ARHGAP6: variants seen among roughly 807,000 people sequenced by gnomAD.
The protein encoded by ARHGAP6 is Rho GTPase activating protein 6.
In ARHGAP6, 16 loss-of-function variants were observed where a neutral mutation model predicts 55.7. The ratio of observed to expected loss-of-function variants is 0.29; its 90% CI spans 0.19 to 0.44. ARHGAP6 has a LOEUF of 0.44. Ranked by LOEUF, ARHGAP6 falls within the 20% of genes least tolerant of loss-of-function variation. The probability of loss-of-function intolerance (pLI) is 1.00; values close to 1 mark genes in which losing one functional copy is unlikely to be tolerated. For synonymous variants in ARHGAP6, 382 were observed against 360.9 expected (o/e 1.06, Z -0.66); for missense variants, 698 against 808.9 (o/e 0.86, Z 1.66).
At chrX:11,342,104 G>A (rs766258759) in intron 1 of ARHGAP6, among the ~76,000 whole-genome samples, 18 of 111,734 alleles carry the variant, frequency 1.6e-4, no homozygotes, top group South Asian at 3.8e-4. Context: ...CACTAAGTTC[G>A]CTCTGTTGCC....
At chrX:11,553,462 C>T (rs2051291012) in intron 1 of ARHGAP6, among the ~76,000 whole-genome samples, 1 of 111,275 alleles carries the variant, frequency 9.0e-6, no homozygotes, top group African/African-American at 3.3e-5. Context: ...AGGCTTTTCT[C>T]GAACTTCTGG....
At chrX:11,525,010 C>T (rs1014590784) in intron 1 of ARHGAP6, among the ~76,000 whole-genome samples, 1 of 111,146 alleles carries the variant, frequency 9.0e-6, no homozygotes, top group African/African-American at 3.3e-5. Context: ...GGAGGCAGAG[C>T]TCAAGCGGTA....
intron 2 of ARHGAP6, among the ~76,000 whole-genome samples, chrX:11,242,499 C>T (rs1034874783): frequency 3.6e-5 from 4 of 111,620 alleles, no homozygotes; most frequent in African/African-American, 9.8e-5. Flanking sequence ...AGCTCTGCTG[C>T]TGACTTTTCA....
chrX:11,311,168 G>A (rs192884063), intron 1 of ARHGAP6, among the ~76,000 whole-genome samples: 110 of 111,909 alleles, frequency 9.8e-4, no homozygotes, highest in Non-Finnish European at 1.5e-3. Flanking sequence ...ATTAGAAGGC[G>A]ATGCCAATGA....
intron 1 of ARHGAP6, among the ~76,000 whole-genome samples, chrX:11,355,714 A>G (rs1386723962): frequency 9.0e-6 from 1 of 111,465 alleles, no homozygotes; most frequent in Admixed American, 9.6e-5. Context: ...GGCCAAACAT[A>G]TGACCGTTAG....
chrX:11,402,741 A>T (rs1334090083), intron 1 of ARHGAP6, among the ~76,000 whole-genome samples: 1 of 112,047 alleles, frequency 8.9e-6, no homozygotes, highest in Non-Finnish European at 1.9e-5. Flanking sequence ...CTATTCTCTC[A>T]GAGCTCTGTT....
chrX:11,206,722 T>C (rs1402711672), intron 2 of ARHGAP6, among the ~76,000 whole-genome samples: 13 of 111,726 alleles, frequency 1.2e-4, no homozygotes, highest in Admixed American at 9.6e-5. Flanking sequence ...GCTGGTTTTA[T>C]TGAGGCTCTG....
At chrX:11,312,648 CT>C (rs1443628650) in intron 1 of ARHGAP6, among the ~76,000 whole-genome samples, 1 of 111,615 alleles carries the variant, frequency 9.0e-6, no homozygotes, top group African/African-American at 3.3e-5. Flanking sequence ...CAATGCCTGC[CT>C]GGTATGCAGC....
intron 1 of ARHGAP6, among the ~76,000 whole-genome samples, chrX:11,425,805 A>T (rs1228224697): frequency 1.8e-5 from 2 of 111,924 alleles, no homozygotes; most frequent in Admixed American, 9.4e-5. Flanking sequence ...AGATTTTTTT[A>T]AAATTAAGGA....
chrX:11,232,908 T>A (rs4503255), intron 2 of ARHGAP6, among the ~76,000 whole-genome samples: 27,634 of 110,589 alleles, frequency 0.25, 2,864 homozygotes, highest in African/African-American at 0.38. Flanking sequence ...TACCCTAGAG[T>A]GTAAAAACTT....
At chrX:11,393,842 A>G (rs2049442124) in intron 1 of ARHGAP6, among the ~76,000 whole-genome samples, 1 of 111,835 alleles carries the variant, frequency 8.9e-6, no homozygotes, top group Non-Finnish European at 1.9e-5. Context: ...TACTGAGAAA[A>G]ATATTTTTTA....
chrX:11,323,594 G>T (rs907359325), intron 1 of ARHGAP6, among the ~76,000 whole-genome samples: 1 of 112,181 alleles, frequency 8.9e-6, no homozygotes, highest in Admixed American at 9.4e-5. Flanking sequence ...GCTGAGTGTG[G>T]TGGCTCACGC....
In ARHGAP6 at chrX:11,639,383, C is replaced by T. The variant is rs953530918; in HGVS notation, c.588+24858G>A. ...CCCCAGCCCCCCACCACCCGACATG[C>T]CCCGGTATGTGATGTTCCCTTCCCT... On this transcript the variant is annotated intron_variant, in intron 1 of 12. Transcript: ENST00000337414. Among the ~76,000 whole-genome samples the T allele has an allele frequency of 2.8e-5, 3 of 108,999 alleles. No individual in the cohort carries two copies. The East Asian group carries it at 8.7e-4, about 32-fold the overall frequency. The allele number at this position is 108,999 out of a possible 115,157, so 94.7% of individuals were successfully genotyped here. A position where few individuals can be genotyped will look rare whatever the true frequency, so the allele number is the denominator to read the frequency against.
intron 8 of ARHGAP6, among the ~76,000 whole-genome samples, chrX:11,173,885 G>T (rs958736952): frequency 9.0e-6 from 1 of 111,475 alleles, no homozygotes; most frequent in Non-Finnish European, 1.9e-5. Flanking sequence ...ATGCAGCAAG[G>T]TGCTGGCAGA....
intron 1 of ARHGAP6, among the ~76,000 whole-genome samples, chrX:11,428,044 G>A (rs1603202580): frequency 1.8e-5 from 2 of 112,758 alleles, no homozygotes; most frequent in East Asian, 2.8e-4. Context: ...GGACCCGTGG[G>A]ACCCCGGCTG....
At chrX:11,246,310 T>C (rs1161793400) in intron 2 of ARHGAP6, among the ~76,000 whole-genome samples, 2 of 111,208 alleles carry the variant, frequency 1.8e-5, no homozygotes, top group Non-Finnish European at 3.8e-5. Flanking sequence ...AAATCTCACA[T>C]CAACCCTATG....
intron 1 of ARHGAP6, among the ~76,000 whole-genome samples, chrX:11,650,763 TA>T (rs1007727781): frequency 1.8e-5 from 2 of 112,601 alleles, no homozygotes; most frequent in Non-Finnish European, 3.8e-5. Context: ...ATTAGAAGAT[TA>T]AAATATTGCC....
intron 1 of ARHGAP6, among the ~76,000 whole-genome samples, chrX:11,410,167 T>C (rs2049662447): frequency 1.8e-5 from 2 of 112,006 alleles, no homozygotes; most frequent in African/African-American, 6.5e-5. Context: ...ACAAAACATA[T>C]ACACAGAAGT....
chrX:11,484,003 T>C (rs1342246485), intron 1 of ARHGAP6, among the ~76,000 whole-genome samples: 1 of 112,188 alleles, frequency 8.9e-6, no homozygotes, highest in African/African-American at 3.2e-5. Context: ...ATTCCTATTA[T>C]GCAGGGCTGC....
Sources: gnomAD v4.1 joint callset for allele counts (sites outside exome capture counted in the v4.1 genomes callset) on GRCh38, gnomAD v4.1.1 for gene constraint, MANE v1.5 for transcripts, NCBI Gene and HGNC (gene_info 2026-07-23, HGNC 2026-07-21) for gene names.